The following GRID2IP variants were observed in gnomAD, a reference collection of about 807,000 sequenced individuals.
The protein encoded by GRID2IP is Grid2 interacting protein, also known as delphilin.
A neutral mutation model predicts 114.3 loss-of-function variants in GRID2IP; 78 were observed. That is an observed-to-expected ratio of 0.68 (90% CI 0.57 to 0.82). The LOEUF (loss-of-function observed/expected upper bound fraction) is 0.82, where lower values mean the gene tolerates loss of function less well. GRID2IP is among the 40% of genes least tolerant of loss of function. GRID2IP has a pLI of 0.00. For missense variants in GRID2IP, 1,727 were observed against 1,678.5 expected (o/e 1.03, Z -0.51); for synonymous variants, 809 against 724.0 (o/e 1.12, Z -1.89).
rs962322970 is a variant in GRID2IP at position 6,507,178 on chromosome 7, T to C, written c.2544+807A>G. Among the ~76,000 whole-genome samples, 1 of 152,190 alleles carries C rather than the reference T, an allele frequency of 6.6e-6. No individual in the cohort carries two copies. Among genetic ancestry groups the C allele is most frequent in the Non-Finnish European group, 1.5e-5 (1 of 68,038 alleles). ...TGAGGATGATGGTGATCATGAGCAC[T>C]GGGACGGGGCAGCCCTGGGAGCTGG... On this transcript the variant is annotated intron_variant, in intron 13 of 21. Coordinates refer to ENST00000457091, the MANE Select transcript of GRID2IP (RefSeq NM_001145118.2). This position sits in a 1 kb window ranked among gnomAD's most constrained non-coding sequence, Gnocchi z 5.3.
chr7:6,515,553 G>A (rs942838232), intron 7 of GRID2IP, among the ~76,000 whole-genome samples: 3 of 152,122 alleles, frequency 2.0e-5, no homozygotes, highest in Non-Finnish European at 2.9e-5. Flanking sequence ...TGAGGCAGGC[G>A]AATCATCTGA....
intron 4 of GRID2IP, among the ~76,000 whole-genome samples, chr7:6,525,954 TG>T (rs1396162897): frequency 2.0e-5 from 3 of 152,028 alleles, no homozygotes; most frequent in East Asian, 3.9e-4. Context: ...TCCCTTGGCT[TG>T]GGGGGATGCT....
rs1019708500 is a variant in GRID2IP at position 6,496,991 on chromosome 7, G to A, written c.*783C>T. Among the ~76,000 whole-genome samples the A allele has an allele frequency of 2.0e-5, 3 of 152,066 alleles. No homozygotes were observed. The highest frequency in any genetic ancestry group is 4.4e-5 in the Non-Finnish European group (3 of 68,010). On this transcript the variant is annotated 3_prime_UTR_variant, in exon 22 of 22. Coordinates refer to ENST00000457091, the MANE Select transcript of GRID2IP (RefSeq NM_001145118.2). ...CACACCTGCCCCGGTCTCATGACTTGCTCCAGGGAACATCACCATCCGTCC... is the reference window on the plus strand; with the variant it reads ...CACACCTGCCCCGGTCTCATGACTTACTCCAGGGAACATCACCATCCGTCC...
chr7:6,548,597 G>T (rs1008650995), intron 1 of GRID2IP, among the ~76,000 whole-genome samples: 1 of 152,026 alleles, frequency 6.6e-6, no homozygotes, highest in East Asian at 1.9e-4. Flanking sequence ...CAGCACTCTG[G>T]GAGGCCGCAG....
At chr7:6,524,879 G>A (rs913276287) in intron 4 of GRID2IP, among the ~76,000 whole-genome samples, 1 of 151,612 alleles carries the variant, frequency 6.6e-6, no homozygotes, top group African/African-American at 2.4e-5. Context: ...ACCACACCTG[G>A]CTAATTTTTT....
rs1208406377 is a variant in GRID2IP at position 6,516,375 on chromosome 7, T to G, written c.1269-1846A>C. Among the ~76,000 whole-genome samples, 1 of 152,184 alleles carries G rather than the reference T, an allele frequency of 6.6e-6. No individual in the cohort carries two copies. The highest frequency in any genetic ancestry group is 1.9e-4 in the East Asian group (1 of 5,200). On this transcript the variant is annotated intron_variant, in intron 7 of 21. Coordinates refer to ENST00000457091, the MANE Select transcript of GRID2IP (RefSeq NM_001145118.2). This position sits in a 1 kb window ranked among gnomAD's most constrained non-coding sequence, Gnocchi z 4.3. ...AGCATTACTGTTTATTCCAATATTA[T>G]AATAATCTTTGTCCTACAATTATAA... is the stretch of plus-strand genomic sequence containing the variant.
In GRID2IP at chr7:6,526,852, G is replaced by A; in HGVS notation, c.585-83C>T. Reference sequence around the variant, plus strand: ...CGCGGCCCGAAGGCGCGTCCTCGCGGGCGCCGCCCTAGGCTCTCCCACCTC... The same window carrying A: ...CGCGGCCCGAAGGCGCGTCCTCGCGAGCGCCGCCCTAGGCTCTCCCACCTC... On this transcript the variant is annotated intron_variant, in intron 2 of 21. Transcript: ENST00000457091. This position sits in a 1 kb window ranked among gnomAD's most constrained non-coding sequence, Gnocchi z 7.6. 18 of 1,368,920 alleles carry A rather than the reference G, an allele frequency of 1.3e-5. No homozygotes were observed. Among genetic ancestry groups the A allele is most frequent in the Non-Finnish European group, 1.7e-5 (18 of 1,057,512 alleles). The allele number at this position is 1,368,920 out of a possible 1,614,324, so 84.8% of individuals were successfully genotyped here.
chr7:6,516,113 A>T lies in GRID2IP; in HGVS notation c.1269-1584T>A, dbSNP rs1046923746. On this transcript the variant is annotated intron_variant, in intron 7 of 21. Transcript: ENST00000457091. This position sits in a 1 kb window ranked among gnomAD's most constrained non-coding sequence, Gnocchi z 4.3. Reference sequence around the variant, plus strand: ...CCCCGTCTCAAAATAATAATAATAAAAAATAAATAAATAAATAAATAAAAA... The same window carrying T: ...CCCCGTCTCAAAATAATAATAATAATAAATAAATAAATAAATAAATAAAAA... 7.5e-5 allele frequency among the ~76,000 whole-genome samples: 8 copies of T among 106,258 alleles called. No homozygotes were observed. The highest frequency in any genetic ancestry group is 9.5e-4 in the East Asian group (2 of 2,108). 69.7% of individuals were successfully genotyped at this position (106,258 alleles called of 152,430 possible).
In GRID2IP at chr7:6,539,785, C is replaced by A. The variant is rs1464984611; in HGVS notation, c.517G>T (p.Asp173Tyr). 2 of 1,550,632 alleles carry A rather than the reference C, an allele frequency of 1.3e-6. No individual in the cohort carries two copies. The highest frequency in any genetic ancestry group is 2.7e-5 in the African/African-American group (2 of 73,024). ...KQFAAEQRVD[D>Y]LVWTLTLALP... The stretch of plus-strand genomic sequence containing the variant: ...GCCAGGGTGAGAGTCCACACCAGAT[C>A]ATCCACCCGCTGCTCAGCTGCAAAC... The change falls in exon 2 of 22, where the codon GAT becomes TAT. Residue 173 changes from aspartate (D) to tyrosine (Y), a missense_variant. Asp to Tyr is a radical substitution (Grantham distance 160, BLOSUM62 -3). Transcript: ENST00000457091.
In GRID2IP at chr7:6,503,123, A is replaced by G. The variant is rs745589212; in HGVS notation, c.2948T>C (p.Leu983Pro). The change falls in exon 17 of 22, where the codon CTC becomes CCC. Residue 983 changes from leucine to proline, a missense_variant. By Grantham distance (98) the Leu-to-Pro change is moderately conservative (BLOSUM62 -3). Transcript: ENST00000457091. ...CTCCTGGAGGGTGGCCTGGAAGTGG[A>G]GGCTGCGCAGGCGTGTCTTGTATTC... Reference protein sequence around the residue: ...VPEYKTRLRSLHFQATLQEKT... With the variant: ...VPEYKTRLRSPHFQATLQEKT... 6.5e-7 allele frequency: 1 copy of G among 1,548,702 alleles called. No individual in the cohort carries two copies. Among genetic ancestry groups the G allele is most frequent in the Admixed American group, 2.0e-5 (1 of 50,644 alleles).
rs142203402 is a variant in GRID2IP, at chr7:6,517,652, C to A, written c.1268+2926G>T. On this transcript the variant is annotated intron_variant, in intron 7 of 21. Coordinates refer to ENST00000457091, the MANE Select transcript of GRID2IP (RefSeq NM_001145118.2). ...CAGCCGTCGTGGCTCACAAGTCATC[C>A]CAGCACTTTGGCAGGCTGAGGCAGG... Among the ~76,000 whole-genome samples, 807 of 152,056 alleles carry A rather than the reference C, an allele frequency of 5.3e-3. 5 individuals carry two copies. The highest frequency in any genetic ancestry group is 0.018 in the African/African-American group (752 of 41,498).
Position 6,521,590 on chromosome 7 carries a change from C to T in GRID2IP, c.990-67G>A, listed in dbSNP as rs1350084361. 4.3e-6 allele frequency: 5 copies of T among 1,151,188 alleles called. No individual in the cohort carries two copies. The highest frequency in any genetic ancestry group is 6.2e-6 in the Non-Finnish European group (5 of 811,666). 71.3% of individuals were successfully genotyped at this position (1,151,188 alleles called of 1,614,324 possible). A position where few individuals can be genotyped will look rare whatever the true frequency, so the allele number is the denominator to read the frequency against. Reference sequence around the variant, plus strand: ...GCCCTGTCCACGGCCACCAGCCAGACCTCCCTGTCCTGCCCACAGAGGTCA... The same window carrying T: ...GCCCTGTCCACGGCCACCAGCCAGATCTCCCTGTCCTGCCCACAGAGGTCA... On this transcript the variant is annotated intron_variant, in intron 5 of 21. Transcript: ENST00000457091. This position sits in a 1 kb window ranked among gnomAD's most constrained non-coding sequence, Gnocchi z 4.1.
chr7:6,509,247 G>A lies in GRID2IP; in HGVS notation c.1838C>T (p.Pro613Leu), dbSNP rs1000698054. 29 of 1,525,776 alleles carry A rather than the reference G, an allele frequency of 1.9e-5. No homozygotes were observed. The highest frequency in any genetic ancestry group is 6.1e-5 in the Admixed American group (3 of 48,876). The allele number at this position is 1,525,776 out of a possible 1,614,324, so 94.5% of individuals were successfully genotyped here. ...GGAGGCCAGACCCCCCGAACACAGCGGGTGGTAGCAGGGGGAGGGCAAGAG... is the reference window on the plus strand; with the variant it reads ...GGAGGCCAGACCCCCCGAACACAGCAGGTGGTAGCAGGGGGAGGGCAAGAG... ...ERLLPSPCYH[P>L]LCSGGLASPS... is the part of the protein sequence containing the mutation. Residue 613 changes from proline to leucine, a missense_variant, in exon 12 of 22, where the codon CCG becomes CTG. Transcript: ENST00000457091. The surrounding 1 kb of genome is among the most constrained non-coding windows in gnomAD (Gnocchi z 4.9).
At chr7:6,510,451 C>A in intron 10 of GRID2IP, 51 bp from the exon 11 acceptor site, 1 of 1,418,372 alleles carries the variant, frequency 7.1e-7, no homozygotes, top group Non-Finnish European at 9.4e-7. Flanking sequence ...CCTCGTAGCC[C>A]TAATGTGGTC....
Position 6,510,299 on chromosome 7 carries a change from G to A in GRID2IP, c.1755C>T (p.Ser585=), listed in dbSNP as rs1283570655. The A allele has an allele frequency of 2.5e-5, 38 of 1,544,960 alleles. No individual in the cohort carries two copies. Among genetic ancestry groups the A allele is most frequent in the Non-Finnish European group, 3.2e-5 (37 of 1,144,346 alleles). Residue 585 remains serine, a synonymous_variant, in exon 11 of 22, where the codon AGC becomes AGT. Coordinates refer to ENST00000457091, the MANE Select transcript of GRID2IP (RefSeq NM_001145118.2). The part of the protein sequence containing the change: ...SKSRASPPGP[S]PAVTTGPRTL... ...GAGCCCTACCTGTGGTGACTGCTGGGCTGGGGCCTGGAGGGGAAGCCCGGG... is the reference window on the plus strand; with the variant it reads ...GAGCCCTACCTGTGGTGACTGCTGGACTGGGGCCTGGAGGGGAAGCCCGGG...
rs761869402 is a variant in GRID2IP, at chr7:6,520,597, C to T, written c.1249G>A (p.Glu417Lys). 114 of 1,551,192 alleles carry T rather than the reference C, an allele frequency of 7.3e-5. No homozygotes were observed. The highest frequency in any genetic ancestry group is 5.0e-4 in the South Asian group (42 of 84,042). ...GGCCACCTGTGCTGGAAGAAGCTCT[C>T]GAGGGCCCGGCAGACCCCATAGCGC... The part of the protein sequence containing the change: ...PERYGVCRAL[E>K]SFFQHRNIDT... Residue 417 changes from glutamate to lysine, a missense_variant, in exon 7 of 22, where the codon GAG becomes AAG. Glu to Lys is a moderately conservative substitution (Grantham distance 56). Transcript: ENST00000457091. This position sits in a 1 kb window ranked among gnomAD's most constrained non-coding sequence, Gnocchi z 4.6.
In GRID2IP at chr7:6,498,143, G is replaced by A. The variant is rs1039673375; in HGVS notation, c.3485C>T (p.Ala1162Val). Residue 1162 changes from alanine (A) to valine (V), a missense_variant, in exon 21 of 22, where the codon GCC (alanine) becomes GTC (valine). By Grantham distance (64) the Ala-to-Val change is moderately conservative. Coordinates refer to ENST00000457091, the MANE Select transcript of GRID2IP (RefSeq NM_001145118.2). ...EAMEELGKAL[A>V]FFGEDSKATT... is the part of the protein sequence containing the mutation. ...GGCCTTGGAATCCTCCCCAAAGAAG[G>A]CCAGCGCCTTGCCCAGCTCCTCCAT... 1.9e-6 allele frequency: 3 copies of A among 1,551,616 alleles called. No individual in the cohort carries two copies. The highest frequency in any genetic ancestry group is 2.0e-5 in the Admixed American group (1 of 51,000).
At chr7:6,522,634 C>T (rs1300120232) in intron 4 of GRID2IP, among the ~76,000 whole-genome samples, 2 of 151,834 alleles carry the variant, frequency 1.3e-5, no homozygotes, top group Non-Finnish European at 2.9e-5. Flanking sequence ...CATAGGCACG[C>T]ACCACCACTC....
Position 6,514,369 on chromosome 7 carries a change from G to A in GRID2IP, c.1423+6C>T, listed in dbSNP as rs1229463692. The stretch of plus-strand genomic sequence containing the variant: ...GCAGGGAAGTGGCAGGGGAGAGGAC[G>A]CTTACCTGTCATGGCCGTGTAGCCC... On this transcript the variant is annotated splice_donor_region_variant and intron_variant, in intron 8 of 21. Transcript: ENST00000457091. The A allele has an allele frequency of 6.7e-7, 1 of 1,502,058 alleles. No homozygotes were observed. Among genetic ancestry groups the A allele is most frequent in the Non-Finnish European group, 8.9e-7 (1 of 1,117,728 alleles). 93.0% of individuals were successfully genotyped at this position (1,502,058 alleles called of 1,614,324 possible).
Sources: allele counts gnomAD v4.1 joint callset (sites outside exome capture counted in the v4.1 genomes callset), GRCh38; gene constraint gnomAD v4.1.1; non-coding constraint Gnocchi (gnomAD v3.1); transcripts MANE v1.5; gene names NCBI Gene and HGNC (gene_info 2026-07-23, HGNC 2026-07-21).